The following ABCD2 variants were observed in gnomAD, a reference collection of about 807,000 sequenced individuals.
ABCD2 encodes the protein ATP binding cassette subfamily D member 2, also known as ATP-binding cassette sub-family D member 2.
ABCD2 carries 36 observed loss-of-function variants against 70.9 expected under a neutral mutation model. The observed-to-expected ratio is 0.51, with a 90% confidence interval of 0.39 to 0.67. The LOEUF (loss-of-function observed/expected upper bound fraction) is 0.67. Ranked by LOEUF, ABCD2 falls within the 30% of genes least tolerant of loss-of-function variation. The pLI, the probability that ABCD2 is intolerant of heterozygous loss-of-function variation, is 0.00. For missense variants in ABCD2, 729 were observed against 890.2 expected, an observed-to-expected ratio of 0.82 and a Z score of 2.30; for synonymous variants, 304 against 306.9, an observed-to-expected ratio of 0.99 and a Z score of 0.10.
chr12:39,588,258 A>G (rs536057946), intron 6 of ABCD2, among the ~76,000 whole-genome samples: 9 of 152,176 alleles, frequency 5.9e-5, no homozygotes, highest in Non-Finnish European at 8.8e-5. Flanking sequence ...AATAAATTCA[A>G]TTGTGGACCC....
chr12:39,590,252 ATCT>A (rs778475163), intron 6 of ABCD2, among the ~76,000 whole-genome samples: 9 of 152,294 alleles, frequency 5.9e-5, no homozygotes, highest in South Asian at 4.1e-4. Flanking sequence ...TATTCAGATA[ATCT>A]TCTAAATATT....
intron 7 of ABCD2, among the ~76,000 whole-genome samples, chr12:39,581,494 AAAT>A (rs1424435605): frequency 6.6e-6 from 1 of 152,200 alleles, no homozygotes; most frequent in East Asian, 1.9e-4. Context: ...ATGTTAGGAA[AAAT>A]AATCTTAAAA....
chr12:39,560,891 A>C (rs1941247078), intron 9 of ABCD2, among the ~76,000 whole-genome samples: 1 of 152,152 alleles, frequency 6.6e-6, no homozygotes, highest in Non-Finnish European at 1.5e-5. Flanking sequence ...ACAGAGCAAA[A>C]ATCTGTAGTA....
intron 5 of ABCD2, among the ~76,000 whole-genome samples, chr12:39,601,920 A>T (rs892625416): frequency 6.6e-6 from 1 of 151,946 alleles, no homozygotes; most frequent in Non-Finnish European, 1.5e-5. Context: ...AATCATATAT[A>T]TCATGGTGAA....
downstream of ABCD2, among the ~76,000 whole-genome samples, chr12:39,545,051 A>T (rs1423710951): frequency 1.3e-5 from 2 of 152,274 alleles, no homozygotes; most frequent in East Asian, 3.9e-4. Context: ...ACAGCTAACA[A>T]CAGTGTACTA....
At chr12:39,605,169 A>G (rs971574356) in intron 3 of ABCD2, among the ~76,000 whole-genome samples, 2 of 152,072 alleles carry the variant, frequency 1.3e-5, no homozygotes, top group African/African-American at 4.8e-5. Context: ...TATTAATGAC[A>G]CTTAAGGATC....
intron 6 of ABCD2, among the ~76,000 whole-genome samples, chr12:39,595,365 A>C (rs953089778): frequency 6.6e-6 from 1 of 152,230 alleles, no homozygotes; most frequent in Non-Finnish European, 1.5e-5. Context: ...AACGCTAAGT[A>C]AAGTATGTAG....
At chr12:39,532,319 G>A in the ABCD2 span, among the ~76,000 whole-genome samples, 1 of 152,194 alleles carries the variant, frequency 6.6e-6, no homozygotes, top group Admixed American at 6.5e-5. Context: ...ATTGTGCTAG[G>A]TAATAGAACT....
At chr12:39,568,625 C>G (rs1414956778) in intron 9 of ABCD2, among the ~76,000 whole-genome samples, 1 of 152,184 alleles carries the variant, frequency 6.6e-6, no homozygotes. Context: ...CTTCTCTGAA[C>G]TCGTCAAAGT....
At chr12:39,556,849 A>T (rs1347256040) in intron 9 of ABCD2, among the ~76,000 whole-genome samples, 11 of 151,970 alleles carry the variant, frequency 7.2e-5, no homozygotes, top group African/African-American at 2.2e-4. Context: ...CTGGGCGTGA[A>T]GGCGGGTGCC....
At chr12:39,534,023 C>G in the ABCD2 span, among the ~76,000 whole-genome samples, 1 of 152,172 alleles carries the variant, frequency 6.6e-6, no homozygotes, top group Non-Finnish European at 1.5e-5. Flanking sequence ...TCCTTCATCA[C>G]AAATTGTGAT....
At chr12:39,600,415 T>C (rs1285331248) in intron 6 of ABCD2, among the ~76,000 whole-genome samples, 156 bp downstream of exon 6, 1 of 152,154 alleles carries the variant, frequency 6.6e-6, no homozygotes, top group East Asian at 1.9e-4. Flanking sequence ...ATCAAAGCAG[T>C]AATAAAATAT....
At chr12:39,543,910 A>G in the ABCD2 span, among the ~76,000 whole-genome samples, 8 of 152,326 alleles carry the variant, frequency 5.3e-5, no homozygotes, top group Admixed American at 3.3e-4. Context: ...ACTCAAAAGG[A>G]CTACCTCTCC....
At chr12:39,597,456 A>G (rs975935429) in intron 6 of ABCD2, among the ~76,000 whole-genome samples, 2 of 152,192 alleles carry the variant, frequency 1.3e-5, no homozygotes, top group African/African-American at 4.8e-5. Context: ...TGAAAGTGAG[A>G]GCAGGGGATC....
At chr12:39,608,935 G>A (rs1052705651) in intron 2 of ABCD2, among the ~76,000 whole-genome samples, 1 of 151,998 alleles carries the variant, frequency 6.6e-6, no homozygotes, top group Non-Finnish European at 1.5e-5. Context: ...TTAATCCTCT[G>A]GCATTTGTAT....
At chr12:39,614,286 AG>A (rs1381293527) in intron 2 of ABCD2, among the ~76,000 whole-genome samples, 2 of 152,220 alleles carry the variant, frequency 1.3e-5, no homozygotes. Context: ...GTTCTTACTT[AG>A]CCAAGGACTG....
At chr12:39,531,943 T>C in the ABCD2 span, among the ~76,000 whole-genome samples, 6 of 152,364 alleles carry the variant, frequency 3.9e-5, no homozygotes, top group South Asian at 1.0e-3. Context: ...TTCTAAAGCT[T>C]TGACTGCCAC....
intron 8 of ABCD2, 112 bp from the exon 9 acceptor site, chr12:39,573,953 G>A (rs1941482840): frequency 9.4e-7 from 1 of 1,061,606 alleles, no homozygotes; most frequent in Non-Finnish European, 1.3e-6. Flanking sequence ...AAAAGACTAT[G>A]GCATTATTAA....
At chr12:39,533,139 T>C in the ABCD2 span, among the ~76,000 whole-genome samples, 2 of 151,848 alleles carry the variant, frequency 1.3e-5, no homozygotes, top group Non-Finnish European at 2.9e-5. Flanking sequence ...CACTCCAGCC[T>C]GGGTGACAAG....
Sources: allele counts gnomAD v4.1 joint callset (sites outside exome capture counted in the v4.1 genomes callset), GRCh38; gene constraint gnomAD v4.1.1; transcripts MANE v1.5; gene names NCBI Gene and HGNC (gene_info 2026-07-23, HGNC 2026-07-21).